C2CD2: variants seen among roughly 807,000 people sequenced by gnomAD.
C2CD2 encodes C2 calcium dependent domain containing 2, also known as C2 domain-containing protein 2.
Under a neutral mutation model 74.3 loss-of-function variants are expected in C2CD2, and 43 were observed. That is an observed-to-expected ratio of 0.58 (90% CI 0.45 to 0.75). The LOEUF (loss-of-function observed/expected upper bound fraction) is 0.75. C2CD2 is among the 30% of genes least tolerant of loss of function. The probability of loss-of-function intolerance (pLI) is 0.00; values close to 1 mark genes in which losing one functional copy is unlikely to be tolerated. For missense variants in C2CD2, 801 were observed against 916.3 expected (o/e 0.87, Z 1.63); for synonymous variants, 422 against 390.7 (o/e 1.08, Z -0.94).
chr21:41,928,627 T>A (rs2065237079), intron 2 of C2CD2, among the ~76,000 whole-genome samples: 1 of 149,510 alleles, frequency 6.7e-6, no homozygotes, highest in South Asian at 2.1e-4. Flanking sequence ...TGGACAATTT[T>A]AAATCATGGT....
chr21:41,920,013 T>A (rs2065138389), intron 3 of C2CD2, among the ~76,000 whole-genome samples: 1 of 152,090 alleles, frequency 6.6e-6, no homozygotes, highest in Non-Finnish European at 1.5e-5. Flanking sequence ...GGTGTGGACG[T>A]GGAGGAAGGC....
chr21:41,888,968 C>T lies in C2CD2; in HGVS notation c.*156G>A. On this transcript the variant is annotated 3_prime_UTR_variant, in exon 14 of 14. Transcript: ENST00000380486. The stretch of plus-strand genomic sequence containing the variant: ...GGGAGAAGCCTCCTGGCTGGAGACT[C>T]AGATTTTGTTTTCCCTTTAAATGAC... The T allele has an allele frequency of 3.1e-6, 2 of 645,274 alleles. No homozygotes were observed. Among genetic ancestry groups the T allele is most frequent in the Non-Finnish European group, 5.4e-6 (2 of 368,364 alleles). The allele number at this position is 645,274 out of a possible 1,614,324, so 40.0% of individuals were successfully genotyped here. A position where few individuals can be genotyped will look rare whatever the true frequency, so the allele number is the denominator to read the frequency against.
rs892093311 is a variant in C2CD2, at chr21:41,923,151, A to C, written c.379-1066T>G. ...GCTGGGTTTACAGGCGTGTGCTACT[A>C]CTCCCGGCTAATTTTTTGTGTTTTT... is the stretch of plus-strand genomic sequence containing the variant. On this transcript the variant is annotated intron_variant, in intron 2 of 13. Coordinates refer to ENST00000380486, the MANE Select transcript of C2CD2 (RefSeq NM_015500.2). This position sits in a 1 kb window ranked among gnomAD's most constrained non-coding sequence, Gnocchi z 5.8. 5.3e-5 allele frequency among the ~76,000 whole-genome samples: 8 copies of C among 151,146 alleles called. No individual in the cohort carries two copies. Among genetic ancestry groups the C allele is most frequent in the East Asian group, 3.9e-4 (2 of 5,156 alleles).
At position 41,903,153 on chromosome 21, in the gene C2CD2, C is replaced by T. The variant is rs79664872; in HGVS notation, c.1433-1404G>A. ...GCGACTCCACGGAGATCAAAGCTCC[C>T]ACACTCAGGACCCTCCCAGACTGTG... is the stretch of plus-strand genomic sequence containing the variant. On this transcript the variant is annotated intron_variant, in intron 11 of 13. Transcript: ENST00000380486. The surrounding 1 kb of genome is among the most constrained non-coding windows in gnomAD (Gnocchi z 4.5). Among the ~76,000 whole-genome samples the T allele has an allele frequency of 0.016, 2,468 of 152,312 alleles. 73 individuals are homozygous for T. The highest frequency in any genetic ancestry group is 0.056 in the African/African-American group (2,329 of 41,550).
At chr21:41,922,169 T>C in intron 2 of C2CD2, 84 bp from the exon 3 acceptor site, 1 of 806,700 alleles carries the variant, frequency 1.2e-6, no homozygotes, top group East Asian at 2.6e-5. Flanking sequence ...TCTTCTTTTT[T>C]TTTTTTTGAG....
rs985737326 is a variant in C2CD2, at chr21:41,888,290, C to A, written c.*834G>T. On this transcript the variant is annotated 3_prime_UTR_variant, in exon 14 of 14. Transcript: ENST00000380486. ...ACGTATGGCTCCTGACTTCATCTGA[C>A]AGGCCCGCTGTGCTCTTGTTTAGCA... 2 of 152,554 alleles carry A rather than the reference C, an allele frequency of 1.3e-5. No homozygotes were observed. Among genetic ancestry groups the A allele is most frequent in the African/African-American group, 4.8e-5 (2 of 41,432 alleles). The allele number at this position is 152,554 out of a possible 1,614,324, so 9.5% of individuals were successfully genotyped here. A position where few individuals can be genotyped will look rare whatever the true frequency, so the allele number is the denominator to read the frequency against.
rs924149942 is a variant in C2CD2, at chr21:41,888,532, C to T, written c.*592G>A. The T allele has an allele frequency of 1.3e-5, 2 of 156,020 alleles. No individual in the cohort carries two copies. Among genetic ancestry groups the T allele is most frequent in the African/African-American group, 4.8e-5 (2 of 41,454 alleles). The allele number at this position is 156,020 out of a possible 1,614,324, so 9.7% of individuals were successfully genotyped here. ...TATGGCTAATATCAAAGGTAGATGA[C>T]TTCCTACATCTGTCGTAGCGTCTCC... is the stretch of plus-strand genomic sequence containing the variant. On this transcript the variant is annotated 3_prime_UTR_variant, in exon 14 of 14. Transcript: ENST00000380486.
chr21:41,909,837 C>T (rs1008813725), intron 7 of C2CD2, among the ~76,000 whole-genome samples: 1 of 152,166 alleles, frequency 6.6e-6, no homozygotes, highest in South Asian at 2.1e-4. Context: ...AGGAACTGAA[C>T]GTCATTTTAA....
Position 41,926,430 on chromosome 21 carries a change from G to C in C2CD2, c.379-4345C>G, listed in dbSNP as rs1314388235. Reference sequence around the variant, plus strand: ...TTGGCAGGTGAGGGTTTGGGTCGGGGAGCCCTGGGCAGCAGATGGAAGCAC... The same window carrying C: ...TTGGCAGGTGAGGGTTTGGGTCGGGCAGCCCTGGGCAGCAGATGGAAGCAC... On this transcript the variant is annotated intron_variant, in intron 2 of 13. Transcript: ENST00000380486. The surrounding 1 kb of genome is among the most constrained non-coding windows in gnomAD (Gnocchi z 8.0). 1 of 981,904 alleles carries C rather than the reference G, an allele frequency of 1.0e-6. No homozygotes were observed. The highest frequency in any genetic ancestry group is 1.1e-4 in the East Asian group (1 of 8,784). The allele number at this position is 981,904 out of a possible 1,614,324, so 60.8% of individuals were successfully genotyped here. A position where few individuals can be genotyped will look rare whatever the true frequency, so the allele number is the denominator to read the frequency against.
chr21:41,922,158 T>TTA, intron 2 of C2CD2, 73 bp from the exon 3 acceptor site: 5 of 817,106 alleles, frequency 6.1e-6, no homozygotes, highest in Non-Finnish European at 9.8e-6. Context: ...CATCTTCTTC[T>TTA]TCTTCTTTTT....
intron 1 of C2CD2, among the ~76,000 whole-genome samples, chr21:41,947,121 T>TCTCTCTCTCC (rs2065405226): frequency 1.1e-5 from 1 of 92,112 alleles, no homozygotes; most frequent in Admixed American, 1.1e-4. Flanking sequence ...TTTCTCTCTC[T>TCTCTCTCTCC]CTCTCTCTCT....
intron 6 of C2CD2, among the ~76,000 whole-genome samples, chr21:41,912,829 T>C (rs1265832268): frequency 1.3e-5 from 2 of 151,690 alleles, no homozygotes; most frequent in East Asian, 1.9e-4. Flanking sequence ...ATTGTATGCA[T>C]AGAAAAAAAA....
rs2065126470 is a variant in C2CD2, at chr21:41,919,092, A to G, written c.493-132T>C. On this transcript the variant is annotated intron_variant, in intron 3 of 13. Transcript: ENST00000380486. ...TGAGCATGTGTCTATGTGAGCATATATGAGTGCATGTGAGTGTGCGTGTAT... is the reference window on the plus strand; with the variant it reads ...TGAGCATGTGTCTATGTGAGCATATGTGAGTGCATGTGAGTGTGCGTGTAT... 7.3e-6 allele frequency: 5 copies of G among 689,552 alleles called. No individual in the cohort carries two copies. The South Asian group carries it at 8.5e-5, about 12-fold the overall frequency. The allele number at this position is 689,552 out of a possible 1,614,324, so 42.7% of individuals were successfully genotyped here.
In C2CD2 at chr21:41,947,112, TTCTCTC is replaced by T. The variant is rs147753254; in HGVS notation, c.280-4873_280-4868del. On this transcript the variant is annotated intron_variant, in intron 1 of 13. Coordinates refer to ENST00000380486, the MANE Select transcript of C2CD2 (RefSeq NM_015500.2). ...TTTCTTTCTTTCTTTCCTTTCTCTT[TTCTCTC>T]TCTCTCTCTCTCTCTCTCTCTCCCT... Among the ~76,000 whole-genome samples the T allele has an allele frequency of 1.1e-4, 3 of 26,216 alleles. No individual in the cohort carries two copies. In the South Asian group the frequency reaches 3.2e-3, roughly 28 times the overall value. 17.2% of individuals were successfully genotyped at this position (26,216 alleles called of 152,430 possible).
At chr21:41,898,935 TG>T in intron 13 of C2CD2, 117 bp downstream of exon 13, 1 of 775,774 alleles carries the variant, frequency 1.3e-6, no homozygotes, top group Non-Finnish European at 2.2e-6. Context: ...GGGGTGAGGC[TG>T]GGAGGGAGTT....
At chr21:41,919,221 C>T (rs575822161) in intron 3 of C2CD2, among the ~76,000 whole-genome samples, 3 of 152,140 alleles carry the variant, frequency 2.0e-5, no homozygotes, top group South Asian at 2.1e-4. Flanking sequence ...TGAGCGTGTG[C>T]GGAAGTGTGC....
chr21:41,914,443 T>C (rs2065064584), intron 6 of C2CD2, among the ~76,000 whole-genome samples, 155 bp downstream of exon 6: 1 of 152,174 alleles, frequency 6.6e-6, no homozygotes, highest in Non-Finnish European at 1.5e-5. Context: ...CTTGTTCCCG[T>C]TACATTTTCA....
intron 13 of C2CD2, among the ~76,000 whole-genome samples, chr21:41,896,719 A>AC (rs957519657): frequency 4.0e-5 from 6 of 151,612 alleles, no homozygotes; most frequent in Non-Finnish European, 8.8e-5. Flanking sequence ...AAAAAAAAAA[A>AC]AAAAAAAAAA....
intron 1 of C2CD2, among the ~76,000 whole-genome samples, chr21:41,946,350 C>T (rs900002990): frequency 4.6e-5 from 7 of 152,146 alleles, no homozygotes; most frequent in African/African-American, 7.2e-5. Context: ...CAGATGGGCC[C>T]GGTGGGAGGT....
Sources: gnomAD v4.1 joint callset for allele counts (sites outside exome capture counted in the v4.1 genomes callset) on GRCh38, gnomAD v4.1.1 for gene constraint, Gnocchi (gnomAD v3.1) non-coding constraint, MANE v1.5 for transcripts, NCBI Gene and HGNC (gene_info 2026-07-23, HGNC 2026-07-21) for gene names.